TACR1: variants seen among roughly 807,000 people sequenced by gnomAD.
TACR1 encodes the protein substance-P receptor.
In TACR1, 25 loss-of-function variants were observed where a neutral mutation model predicts 35.8. The observed-to-expected ratio is 0.70, with a 90% CI of 0.51 to 0.98. The LOEUF (loss-of-function observed/expected upper bound fraction) is 0.98. Among genes scored for constraint, TACR1 ranks in the 50% least tolerant of loss-of-function variants. The pLI is 0.00. For synonymous variants in TACR1, 195 were observed against 206.7 expected (o/e 0.94, Z 0.48); for missense variants, 478 against 522.9 (o/e 0.91, Z 0.84).
chr2:75,132,078 A>G (rs773405827), intron 1 of TACR1, among the ~76,000 whole-genome samples: 1 of 152,196 alleles, frequency 6.6e-6, no homozygotes, highest in African/African-American at 2.4e-5. Context: ...TAATTTGGAA[A>G]TTCTTGATTG....
intron 1 of TACR1, among the ~76,000 whole-genome samples, chr2:75,170,847 T>A (rs1675261243): frequency 6.6e-6 from 1 of 152,180 alleles, no homozygotes. Context: ...AGCAGCAAAG[T>A]GTTCAAGAGG....
At chr2:75,123,789 C>T (rs1480556688) in intron 1 of TACR1, among the ~76,000 whole-genome samples, 1 of 151,992 alleles carries the variant, frequency 6.6e-6, no homozygotes, top group Non-Finnish European at 1.5e-5. Context: ...TCTTATTCAC[C>T]CAAAAGCTAG....
intron 1 of TACR1, among the ~76,000 whole-genome samples, chr2:75,147,198 T>C (rs1674532109): frequency 6.6e-6 from 1 of 152,168 alleles, no homozygotes; most frequent in Non-Finnish European, 1.5e-5. Context: ...AGCTGGAAAA[T>C]GCCCCCACCA....
chr2:75,122,761 A>T (rs1467969682), intron 1 of TACR1, among the ~76,000 whole-genome samples: 2 of 152,210 alleles, frequency 1.3e-5, no homozygotes, highest in Non-Finnish European at 2.9e-5. Flanking sequence ...AAGGGCAAAA[A>T]CAACTCTCAA....
chr2:75,074,969 C>T (rs1211148932), intron 2 of TACR1, among the ~76,000 whole-genome samples: 1 of 152,210 alleles, frequency 6.6e-6, no homozygotes, highest in Non-Finnish European at 1.5e-5. Flanking sequence ...TGGTTGGTCA[C>T]TTTAGATGTG....
intron 1 of TACR1, among the ~76,000 whole-genome samples, chr2:75,137,748 A>G (rs1340451409): frequency 1.3e-5 from 2 of 150,286 alleles, no homozygotes; most frequent in African/African-American, 2.4e-5. Context: ...AAAAAAAAAA[A>G]AAAAAAAAGA....
chr2:75,101,232 C>T (rs1312771622), intron 2 of TACR1, among the ~76,000 whole-genome samples: 2 of 151,458 alleles, frequency 1.3e-5, no homozygotes, highest in South Asian at 4.2e-4. Context: ...GAAGATATTC[C>T]GAAAGAGATA....
At chr2:75,158,651 T>C (rs569363253) in intron 1 of TACR1, among the ~76,000 whole-genome samples, 3 of 152,308 alleles carry the variant, frequency 2.0e-5, no homozygotes, top group South Asian at 2.1e-4. Context: ...TGATGTTGCA[T>C]AGGGAGACAG....
chr2:75,168,201 A>C (rs1208770835), intron 1 of TACR1, among the ~76,000 whole-genome samples: 3 of 152,214 alleles, frequency 2.0e-5, no homozygotes, highest in Non-Finnish European at 4.4e-5. Flanking sequence ...TGGTTAAACG[A>C]GCTATGACCA....
At chr2:75,154,408 A>ACACGCG (rs1674762905) in intron 1 of TACR1, 3 of 98,592 alleles carry the variant, frequency 3.0e-5, no homozygotes, top group Admixed American at 1.0e-4. Context: ...AAGAGCGCGC[A>ACACGCG]CGCACACACA....
At chr2:75,124,849 A>T (rs1031215305) in intron 1 of TACR1, among the ~76,000 whole-genome samples, 1 of 152,218 alleles carries the variant, frequency 6.6e-6, no homozygotes, top group African/African-American at 2.4e-5. Flanking sequence ...AGATGGTGTG[A>T]TATTCAGAAA....
At position 75,199,233 on chromosome 2, in the gene TACR1, A is replaced by C. The variant is rs1378245348; in HGVS notation, c.-299T>G. The C allele has an allele frequency of 2.3e-5, 8 of 351,910 alleles. No homozygotes were observed. Among genetic ancestry groups the C allele is most frequent in the Non-Finnish European group, 4.2e-5 (8 of 190,478 alleles). The allele number at this position is 351,910 out of a possible 1,614,324, so 21.8% of individuals were successfully genotyped here. On this transcript the variant is annotated 5_prime_UTR_variant, in exon 1 of 5. It adds an upstream start codon to the 5' untranslated region. Transcript: ENST00000305249. ...TGCGGTAAACTGAAAAAGGGAAAGA[A>C]ATTCCACCGGTCACAGTTCTAGGAA...
At chr2:75,099,685 C>T (rs1416426501) in intron 2 of TACR1, among the ~76,000 whole-genome samples, 2 of 152,158 alleles carry the variant, frequency 1.3e-5, no homozygotes, top group African/African-American at 4.8e-5. Context: ...CCTTTCCTTG[C>T]ATTCTCAGAC....
At chr2:75,094,859 A>ATATTTTTTTTTTTTTTTTTT in intron 2 of TACR1, among the ~76,000 whole-genome samples, 1 of 113,134 alleles carries the variant, frequency 8.8e-6, no homozygotes, top group African/African-American at 4.8e-5. Context: ...ATATATATAT[A>ATATTTTTTTTTTTTTTTTTT]TTTTTTTTTT....
At chr2:75,198,503 C>T (rs959370256) in intron 1 of TACR1, 43 bp downstream of exon 1, 6 of 1,595,568 alleles carry the variant, frequency 3.8e-6, no homozygotes, top group Non-Finnish European at 3.4e-6. Context: ...TGCCGTGGTC[C>T]TCTATGAGCA....
chr2:75,195,157 G>A (rs542786525), intron 1 of TACR1, among the ~76,000 whole-genome samples: 100 of 152,262 alleles, frequency 6.6e-4, no homozygotes, highest in Non-Finnish European at 9.6e-4. Context: ...TAAATTCTAA[G>A]TCAGAGAAAT....
chr2:75,145,120 T>C (rs1169328294), intron 1 of TACR1, among the ~76,000 whole-genome samples: 5 of 152,276 alleles, frequency 3.3e-5, no homozygotes, highest in Admixed American at 2.6e-4. Flanking sequence ...ATATCATTTA[T>C]TGTATGATTA....
chr2:75,083,139 C>T (rs1409214513), intron 2 of TACR1, among the ~76,000 whole-genome samples: 2 of 152,238 alleles, frequency 1.3e-5, no homozygotes, highest in African/African-American at 4.8e-5. Context: ...CAGTTTTCTA[C>T]ATATGGCTAG....
intron 1 of TACR1, chr2:75,154,272 A>G (rs985606873): frequency 6.6e-6 from 1 of 152,122 alleles, no homozygotes; most frequent in Non-Finnish European, 1.5e-5. Flanking sequence ...CAGCTCCCCT[A>G]CAGAGCTCAT....
Sources: gnomAD v4.1 joint callset for allele counts (sites outside exome capture counted in the v4.1 genomes callset) on GRCh38, gnomAD v4.1.1 for gene constraint, MANE v1.5 for transcripts, NCBI Gene and HGNC (gene_info 2026-07-23, HGNC 2026-07-21) for gene names.